Variants in SPTAN1 observed in about 807,000 individuals in gnomAD.
SPTAN1 encodes the protein spectrin alpha, non-erythrocytic 1, also known as spectrin alpha chain, non-erythrocytic 1.
SPTAN1 carries 61 observed loss-of-function variants against 331.3 expected under a neutral mutation model. The ratio of observed to expected loss-of-function variants is 0.18; its 90% CI spans 0.15 to 0.23. The LOEUF (loss-of-function observed/expected upper bound fraction) is 0.23, where lower values mean the gene tolerates loss of function less well. Ranked by LOEUF, SPTAN1 falls within the 10% of genes least tolerant of loss-of-function variation. SPTAN1 has a pLI of 1.00. For missense variants in SPTAN1, 2,043 were observed against 3,147.9 expected, an observed-to-expected ratio of 0.65 and a Z score of 8.40; for synonymous variants, 1,153 against 1,173.9, an observed-to-expected ratio of 0.98 and a Z score of 0.36.
intron 26 of SPTAN1, 86 bp from the exon 27 acceptor site, chr9:128,599,994 G>A (rs1854881727): frequency 7.1e-7 from 1 of 1,400,232 alleles, no homozygotes; most frequent in African/African-American, 1.4e-5. Flanking sequence ...TCCCCTGGGG[G>A]AAACTAGAGT....
chr9:128,603,617 A>C, intron 28 of SPTAN1, 27 bp downstream of exon 28: 1 of 1,613,868 alleles, frequency 6.2e-7, no homozygotes, highest in Non-Finnish European at 8.5e-7. Flanking sequence ...AGCTCCTCTG[A>C]TCTCCCCTGG....
intron 48 of SPTAN1, 92 bp from the exon 49 acceptor site, chr9:128,626,299 A>C: frequency 6.7e-7 from 1 of 1,490,286 alleles, no homozygotes; most frequent in Non-Finnish European, 9.3e-7. Context: ...TGCGCCTCTG[A>C]TTCCCAGGAA....
At position 128,576,975 on chromosome 9, in the gene SPTAN1, C is replaced by CT; in HGVS notation, c.785+22dup. 6.2e-7 allele frequency: 1 copy of CT among 1,614,058 alleles called. No individual in the cohort carries two copies. The highest frequency in any genetic ancestry group is 2.2e-5 in the East Asian group (1 of 44,886). On this transcript the variant is annotated intron_variant, in intron 6 of 56. Coordinates refer to ENST00000372739, the MANE Select transcript of SPTAN1 (RefSeq NM_001130438.3). ...TTAACAGGTGTCAAGCCAGAGTGGG[C>CT]TTTGGGGAATGGGTCTCAACCTGGA...
chr9:128,611,880 A>G (rs1196193835), intron 38 of SPTAN1, 35 bp downstream of exon 38: 1 of 1,613,880 alleles, frequency 6.2e-7, no homozygotes, highest in East Asian at 2.2e-5. Context: ...CCAGGGAGGA[A>G]GATGACCACC....
chr9:128,556,730 G>A (rs1006200685), intron 1 of SPTAN1, among the ~76,000 whole-genome samples: 2 of 152,182 alleles, frequency 1.3e-5, no homozygotes, highest in African/African-American at 4.8e-5. Context: ...CCACAATCCT[G>A]ATTGGAATGT....
Position 128,632,967 on chromosome 9 carries a change from A to G in SPTAN1, c.7308+12A>G. The G allele has an allele frequency of 6.2e-7, 1 of 1,610,690 alleles. No homozygotes were observed. The highest frequency in any genetic ancestry group is 8.5e-7 in the Non-Finnish European group (1 of 1,180,000). ...AGGAGCTCTACCAGGTATGGGCCTC[A>G]GGAGGTGGGTGAAGAGGTGTCCTTT... On this transcript the variant is annotated intron_variant, in intron 56 of 56. Coordinates refer to ENST00000372739, the MANE Select transcript of SPTAN1 (RefSeq NM_001130438.3).
Position 128,625,163 on chromosome 9 carries a change from C to T in SPTAN1, c.6053C>T (p.Thr2018Met), listed in dbSNP as rs904934847. The T allele has an allele frequency of 8.7e-6, 14 of 1,614,036 alleles. No homozygotes were observed. Among genetic ancestry groups the T allele is most frequent in the Middle Eastern group, 1.6e-4 (1 of 6,078 alleles). Reference sequence around the variant, plus strand: ...GGCCGAGACCTGTCTTCTGTGCAGACGCTCCTCACCAAACAGGTCTGCCCT... The same window carrying T: ...GGCCGAGACCTGTCTTCTGTGCAGATGCTCCTCACCAAACAGGTCTGCCCT... ...DYGRDLSSVQ[T>M]LLTKQETFDA... The change falls in exon 47 of 57, where the codon ACG (threonine) becomes ATG (methionine). Residue 2018 changes from threonine (T) to methionine (M), a missense_variant. Coordinates refer to ENST00000372739, the MANE Select transcript of SPTAN1 (RefSeq NM_001130438.3). The surrounding 1 kb of genome is among the most constrained non-coding windows in gnomAD (Gnocchi z 4.1).
rs1480330738 is a variant in SPTAN1, at chr9:128,625,404, A to G, written c.6069+225A>G. On this transcript the variant is annotated intron_variant, in intron 47 of 56. Coordinates refer to ENST00000372739, the MANE Select transcript of SPTAN1 (RefSeq NM_001130438.3). The surrounding 1 kb of genome is among the most constrained non-coding windows in gnomAD (Gnocchi z 4.1). ...GGGTGCTGACGGGACTGGGCACTGC[A>G]GGAGCACTCACTCAGTTTTCAGCAG... 6.6e-6 allele frequency among the ~76,000 whole-genome samples: 1 copy of G among 152,208 alleles called. No homozygotes were observed. Among genetic ancestry groups the G allele is most frequent in the Non-Finnish European group, 1.5e-5 (1 of 68,024 alleles).
chr9:128,628,798 C>T (rs886507998), intron 51 of SPTAN1: 31 of 249,444 alleles, frequency 1.2e-4, no homozygotes, highest in African/African-American at 6.2e-4. Flanking sequence ...ACGTAGGGAT[C>T]GCAGTTTCCG....
chr9:128,599,840 C>T (rs1854847407), intron 26 of SPTAN1: 1 of 571,154 alleles, frequency 1.8e-6, no homozygotes, highest in African/African-American at 1.9e-5. Context: ...TTATTCTCTC[C>T]ATTTCTTCTA....
At chr9:128,616,246 G>A (rs889101639) in intron 41 of SPTAN1, among the ~76,000 whole-genome samples, 1 of 151,328 alleles carries the variant, frequency 6.6e-6, no homozygotes, top group Non-Finnish European at 1.5e-5. Context: ...ATGGAGTCTC[G>A]CTCTGTCACC....
rs1854606321 is a variant in SPTAN1 at position 128,598,423 on chromosome 9, G to A, written c.3438G>A (p.Arg1146=). The A allele has an allele frequency of 1.2e-6, 2 of 1,613,390 alleles. No individual in the cohort carries two copies. Among genetic ancestry groups the A allele is most frequent in the East Asian group, 2.2e-5 (1 of 44,882 alleles). The part of the protein sequence containing the change: ...FQKDLKANES[R]LKDINKVAED... ...AGGACCTGAAGGCCAATGAGTCACG[G>A]TTGAAGGACATTAACAAGGTAGCTG... Residue 1146 remains arginine (R), a synonymous_variant, in exon 25 of 57, where the codon CGG becomes CGA. Transcript: ENST00000372739.
Position 128,632,232 on chromosome 9 carries a change from C to T in SPTAN1, c.6868C>T (p.His2290Tyr). The change falls in exon 53 of 57, where the codon CAC (histidine) becomes TAC (tyrosine). Residue 2290 changes from histidine to tyrosine, a missense_variant. His to Tyr is a moderately conservative substitution (Grantham distance 83). Coordinates refer to ENST00000372739, the MANE Select transcript of SPTAN1 (RefSeq NM_001130438.3). ...CATCCTGGACAACAAGTACACGGAG[C>T]ACAGCACCGTGGGCCTCGCCCAGCA... is the stretch of plus-strand genomic sequence containing the variant. ...ALILDNKYTEHSTVGLAQQWD... is the reference protein window; with the variant it reads ...ALILDNKYTEYSTVGLAQQWD... The T allele has an allele frequency of 6.2e-7, 1 of 1,613,480 alleles. No homozygotes were observed. The highest frequency in any genetic ancestry group is 8.5e-7 in the Non-Finnish European group (1 of 1,180,020).
At position 128,618,099 on chromosome 9, in the gene SPTAN1, C is replaced by G; in HGVS notation, c.5591C>G (p.Ala1864Gly). The G allele has an allele frequency of 1.9e-6, 3 of 1,613,450 alleles. No individual in the cohort carries two copies. Among genetic ancestry groups the G allele is most frequent in the Non-Finnish European group, 2.5e-6 (3 of 1,179,884 alleles). The change falls in exon 43 of 57, where the codon GCA becomes GGA. Residue 1864 changes from alanine (A) to glycine (G), a missense_variant. Physicochemically the swap from Ala to Gly is moderately conservative, Grantham distance 60. Transcript: ENST00000372739. Reference protein sequence around the residue: ...VEHWKELKQLAAARGQRLEES... With the variant: ...VEHWKELKQLGAARGQRLEES... ...CACTGGAAAGAGCTGAAGCAGCTGG[C>G]AGCTGCCCGGTGAGTAGTCAGAGGC...
In SPTAN1 at chr9:128,607,571, T is replaced by G. The variant is rs779604771; in HGVS notation, c.4047-33T>G. 6 of 1,546,020 alleles carry G rather than the reference T, an allele frequency of 3.9e-6. No individual in the cohort carries two copies. In the South Asian group the frequency reaches 6.7e-5, roughly 17 times the overall value. On this transcript the variant is annotated intron_variant, in intron 31 of 56. Coordinates refer to ENST00000372739, the MANE Select transcript of SPTAN1 (RefSeq NM_001130438.3). ...CAGAAGATCTCCTTACCAGGTAATA[T>G]AATAGCTATTTTTCTGGGGTGCTGG... is the stretch of plus-strand genomic sequence containing the variant.
chr9:128,553,857 A>G (rs1848382874), intron 1 of SPTAN1, among the ~76,000 whole-genome samples: 1 of 152,214 alleles, frequency 6.6e-6, no homozygotes, highest in African/African-American at 2.4e-5. Flanking sequence ...GTGTTGAGAA[A>G]TTGCGTCGTC....
Position 128,627,656 on chromosome 9 carries a change from G to T in SPTAN1, c.6689+158G>T. On this transcript the variant is annotated intron_variant, in intron 50 of 56. Coordinates refer to ENST00000372739, the MANE Select transcript of SPTAN1 (RefSeq NM_001130438.3). The surrounding 1 kb of genome is among the most constrained non-coding windows in gnomAD (Gnocchi z 4.9). The stretch of plus-strand genomic sequence containing the variant: ...CAACGCCTGGTCGGGCTCTGGAGCC[G>T]GGAGTGGGGGCATAGGTGGAGCAGC... 2 of 817,136 alleles carry T rather than the reference G, an allele frequency of 2.4e-6. No homozygotes were observed. Among genetic ancestry groups the T allele is most frequent in the Non-Finnish European group, 4.1e-6 (2 of 487,274 alleles). The allele number at this position is 817,136 out of a possible 1,614,324, so 50.6% of individuals were successfully genotyped here. A position where few individuals can be genotyped will look rare whatever the true frequency, so the allele number is the denominator to read the frequency against.
At position 128,581,657 on chromosome 9, in the gene SPTAN1, A is replaced by T; in HGVS notation, c.1462-125A>T. The T allele has an allele frequency of 3.8e-6, 3 of 784,892 alleles. 1 individual carries two copies. The highest frequency in any genetic ancestry group is 6.8e-6 in the Non-Finnish European group (3 of 438,898). The allele number at this position is 784,892 out of a possible 1,614,324, so 48.6% of individuals were successfully genotyped here. The stretch of plus-strand genomic sequence containing the variant: ...TTAGACTTCCTAGAAGAGATCTTAG[A>T]AGTTTAGCAGCCATAAAATCTCTTT... On this transcript the variant is annotated intron_variant, in intron 11 of 56. Transcript: ENST00000372739.
chr9:128,573,214 C>T (rs1041674727), intron 3 of SPTAN1, among the ~76,000 whole-genome samples: 1 of 152,224 alleles, frequency 6.6e-6, no homozygotes, highest in Non-Finnish European at 1.5e-5. Flanking sequence ...AATGCATCAT[C>T]TAAGCTTGAA....
Sources: allele counts gnomAD v4.1 joint callset (sites outside exome capture counted in the v4.1 genomes callset), GRCh38; gene constraint gnomAD v4.1.1; non-coding constraint Gnocchi (gnomAD v3.1); transcripts MANE v1.5; gene names NCBI Gene and HGNC (gene_info 2026-07-23, HGNC 2026-07-21).